Variants in LRRIQ1 observed in about 807,000 individuals in gnomAD.
LRRIQ1 encodes the protein leucine-rich repeat- and IQ domain-containing protein 1.
LRRIQ1 carries 210 observed loss-of-function variants against 211.9 expected under a neutral mutation model. The ratio of observed to expected loss-of-function variants is 0.99; its 90% CI spans 0.89 to 1.11. The LOEUF (loss-of-function observed/expected upper bound fraction) is 1.11, where lower values mean the gene tolerates loss of function less well. Ranked by LOEUF, LRRIQ1 falls within the 50% of genes most tolerant of loss-of-function variation. The probability of loss-of-function intolerance (pLI) is 0.00; values close to 1 mark genes in which losing one functional copy is unlikely to be tolerated. For missense variants in LRRIQ1, 2,136 were observed against 1,939.5 expected (o/e 1.10, Z -1.90); for synonymous variants, 699 against 650.1 (o/e 1.08, Z -1.14).
chr12:85,223,635 T>C (rs1894509829), intron 24 of LRRIQ1, among the ~76,000 whole-genome samples: 1 of 152,136 alleles, frequency 6.6e-6, no homozygotes, highest in Non-Finnish European at 1.5e-5. Flanking sequence ...GTTTAGAAGA[T>C]TTGGGGCAAA....
chr12:85,171,282 A>T (rs1891403301), intron 24 of LRRIQ1, among the ~76,000 whole-genome samples: 1 of 152,186 alleles, frequency 6.6e-6, no homozygotes, highest in Non-Finnish European at 1.5e-5. Context: ...ATAATTATCA[A>T]CTGAAACACA....
intron 19 of LRRIQ1, among the ~76,000 whole-genome samples, chr12:85,142,207 C>A (rs1405383713): frequency 6.6e-6 from 1 of 151,378 alleles, no homozygotes; most frequent in Non-Finnish European, 1.5e-5. Flanking sequence ...GGCTTCCTAT[C>A]CCATCCCCCA....
At chr12:85,039,814 A>G (rs1726838948) in intron 2 of LRRIQ1, among the ~76,000 whole-genome samples, 1 of 151,616 alleles carries the variant, frequency 6.6e-6, no homozygotes, top group Non-Finnish European at 1.5e-5. Context: ...GATATATGTA[A>G]CTTCAAGATT....
downstream of LRRIQ1, among the ~76,000 whole-genome samples, chr12:85,247,046 T>G (rs1200034994): frequency 1.3e-5 from 2 of 151,568 alleles, no homozygotes; most frequent in African/African-American, 2.4e-5. Context: ...ATAAGTGTTC[T>G]TTATAATCAT....
intron 10 of LRRIQ1, among the ~76,000 whole-genome samples, chr12:85,067,976 C>A (rs776811662): frequency 6.6e-6 from 1 of 151,888 alleles, no homozygotes; most frequent in Admixed American, 6.6e-5. Context: ...CACTGAAATG[C>A]GACTCAGGTT....
intron 24 of LRRIQ1, among the ~76,000 whole-genome samples, chr12:85,161,882 T>C (rs1890900272): frequency 6.6e-6 from 1 of 151,710 alleles, no homozygotes; most frequent in South Asian, 2.1e-4. Flanking sequence ...CTACTAAAAA[T>C]ACAAAAAATT....
intron 18 of LRRIQ1, among the ~76,000 whole-genome samples, chr12:85,134,363 TCCA>T (rs1888975742): frequency 6.6e-6 from 1 of 152,086 alleles, no homozygotes; most frequent in Non-Finnish European, 1.5e-5. Flanking sequence ...GTTATTTTTG[TCCA>T]TAGCATTTAT....
intron 7 of LRRIQ1, among the ~76,000 whole-genome samples, chr12:85,054,792 A>G (rs924398959): frequency 3.3e-5 from 5 of 151,096 alleles, no homozygotes; most frequent in Admixed American, 1.3e-4. Flanking sequence ...TTAAATTTTT[A>G]TCTAGTTTAT....
chr12:85,198,107 TTATA>T (rs1893082156), intron 24 of LRRIQ1, among the ~76,000 whole-genome samples: 1 of 119,298 alleles, frequency 8.4e-6, no homozygotes, highest in South Asian at 2.2e-4. Context: ...ATTATATTAT[TTATA>T]TATAATATAT....
Position 85,124,099 on chromosome 12 carries a change from ATC to A in LRRIQ1, c.3591_3592del (p.Cys1198SerfsTer4). Reference sequence around the variant, plus strand: ...GTATTTACCTTGGATACTGCAGAAAATCTCTGTCATTATTTTAAGAAATTGAT... The same window carrying A: ...GTATTTACCTTGGATACTGCAGAAAATCTGTCATTATTTTAAGAAATTGAT... On this transcript the variant is annotated frameshift_variant, in exon 17 of 27. Transcript: ENST00000393217. LOFTEE classifies it high-confidence loss of function. 6.2e-7 allele frequency: 1 copy of A among 1,613,320 alleles called. No individual in the cohort carries two copies. Among genetic ancestry groups the A allele is most frequent in the Non-Finnish European group, 8.5e-7 (1 of 1,179,394 alleles).
chr12:85,098,754 C>A, intron 12 of LRRIQ1, 113 bp from the exon 13 acceptor site: 1 of 756,712 alleles, frequency 1.3e-6, no homozygotes, highest in Non-Finnish European at 2.0e-6. Flanking sequence ...TTATGATATG[C>A]ACTTTATCAG....
chr12:85,243,313 T>TTTATTATTA (rs10682844), intron 26 of LRRIQ1, among the ~76,000 whole-genome samples: 92 of 140,712 alleles, frequency 6.5e-4, no homozygotes, highest in Middle Eastern at 3.7e-3. Context: ...ATGTATAACT[T>TTTATTATTA]TTATTATTAT....
At chr12:85,269,118 C>A (rs191901139), downstream of LRRIQ1, among the ~76,000 whole-genome samples, 1 of 151,874 alleles carries the variant, frequency 6.6e-6, no homozygotes, top group East Asian at 1.9e-4. Context: ...TAGAACAAAC[C>A]AAGGACTGGA....
intron 24 of LRRIQ1, among the ~76,000 whole-genome samples, chr12:85,177,615 A>G (rs1354561748): frequency 6.6e-6 from 1 of 152,126 alleles, no homozygotes; most frequent in Non-Finnish European, 1.5e-5. Context: ...AAGGAGTGAG[A>G]TGAAGCTGGA....
intron 10 of LRRIQ1, among the ~76,000 whole-genome samples, chr12:85,070,262 T>C (rs1485863335): frequency 1.3e-5 from 2 of 152,066 alleles, no homozygotes; most frequent in Admixed American, 6.6e-5. Flanking sequence ...TACACTTGAG[T>C]GTTTGGTGTA....
chr12:85,043,060 G>A (rs1592685575), intron 3 of LRRIQ1, among the ~76,000 whole-genome samples: 1 of 151,808 alleles, frequency 6.6e-6, no homozygotes, highest in African/African-American at 2.4e-5. Flanking sequence ...TGTATTGATC[G>A]GGGTTCTCAG....
chr12:85,231,186 T>G (rs1438777248), intron 25 of LRRIQ1, among the ~76,000 whole-genome samples: 2 of 152,190 alleles, frequency 1.3e-5, no homozygotes, highest in East Asian at 3.8e-4. Context: ...AAACTTAGTT[T>G]AACAGCAAGT....
Position 85,084,925 on chromosome 12 carries a change from C to CA in LRRIQ1, c.2887+11841dup, listed in dbSNP as rs1441312508. On this transcript the variant is annotated intron_variant, in intron 11 of 26. Transcript: ENST00000393217. The stretch of plus-strand genomic sequence containing the variant: ...TGGGCAACAGAGTAAGACTCCATCT[C>CA]AAAAAAAAAAAAAAGAAGTACAATG... 4.0e-3 allele frequency among the ~76,000 whole-genome samples: 411 copies of CA among 102,282 alleles called. 1 individual carries two copies. Among genetic ancestry groups the CA allele is most frequent in the African/African-American group, 7.1e-3 (191 of 27,076 alleles). 67.1% of individuals were successfully genotyped at this position (102,282 alleles called of 152,430 possible).
chr12:85,113,907 T>TTGGGTG (rs1555210000), intron 15 of LRRIQ1, among the ~76,000 whole-genome samples: 1 of 140,866 alleles, frequency 7.1e-6, no homozygotes, highest in Admixed American at 7.1e-5. Flanking sequence ...CAAATGAGTT[T>TTGGGTG]TGTGTGTGTG....
Sources: gnomAD v4.1 joint callset for allele counts (sites outside exome capture counted in the v4.1 genomes callset) on GRCh38, gnomAD v4.1.1 for gene constraint, MANE v1.5 for transcripts, NCBI Gene and HGNC (gene_info 2026-07-23, HGNC 2026-07-21) for gene names.